The following LARGE1 variants were observed in gnomAD, a reference collection of about 807,000 sequenced individuals.
LARGE1 encodes the protein xylosyl- and glucuronyltransferase LARGE1.
A neutral mutation model predicts 87.6 loss-of-function variants in LARGE1; 43 were observed. The observed-to-expected ratio is 0.49, with a 90% CI of 0.38 to 0.63. The LOEUF is 0.63. Among genes scored for constraint, LARGE1 ranks in the 30% least tolerant of loss-of-function variants. The pLI, the probability that LARGE1 is intolerant of heterozygous loss-of-function variation, is 0.00. For synonymous variants in LARGE1, 434 were observed against 394.6 expected, an observed-to-expected ratio of 1.10 and a Z score of -1.18; for missense variants, 802 against 1,000.2, an observed-to-expected ratio of 0.80 and a Z score of 2.67.
chr22:33,815,269 C>T (rs1375363575), intron 1 of LARGE1, among the ~76,000 whole-genome samples: 4 of 152,142 alleles, frequency 2.6e-5, no homozygotes, highest in African/African-American at 4.8e-5. Context: ...GAACTTCCTC[C>T]GGTCCTCATC....
At chr22:33,683,489 TC>T (rs1272681908) in intron 2 of LARGE1, among the ~76,000 whole-genome samples, 1 of 152,140 alleles carries the variant, frequency 6.6e-6, no homozygotes, top group African/African-American at 2.4e-5. Flanking sequence ...ATGAGCCAAT[TC>T]CTTACAATAA....
intron 4 of LARGE1, 152 bp downstream of exon 4, chr22:33,626,092 A>C (rs749942205): frequency 1.4e-6 from 1 of 706,580 alleles, no homozygotes; most frequent in Non-Finnish European, 2.6e-6. Flanking sequence ...TGTTAACACA[A>C]TCATCTCCTC....
chr22:33,760,576 G>T (rs1569431587), intron 2 of LARGE1, among the ~76,000 whole-genome samples: 1 of 152,126 alleles, frequency 6.6e-6, no homozygotes, highest in Non-Finnish European at 1.5e-5. Flanking sequence ...TGAATCTCCA[G>T]ATCTGTTATC....
At chr22:33,095,709 G>A in the LARGE1 span, among the ~76,000 whole-genome samples, 4 of 152,108 alleles carry the variant, frequency 2.6e-5, no homozygotes, top group African/African-American at 9.7e-5. Context: ...ACAGGTATTC[G>A]CTATGTGCCC....
chr22:33,103,432 CAAAAAAAAAAAA>C, the LARGE1 span, among the ~76,000 whole-genome samples: 1 of 33,802 alleles, frequency 3.0e-5, no homozygotes, highest in Admixed American at 6.0e-4. Flanking sequence ...GACTCTGTCT[CAAAAAAAAAAAA>C]AAAAAAAAAA....
chr22:33,138,295 A>G, the LARGE1 span, among the ~76,000 whole-genome samples: 143 of 152,124 alleles, frequency 9.4e-4, 1 homozygote, highest in Admixed American at 2.0e-3. Context: ...TGTTTTGGCC[A>G]ATTTTTTCCA....
chr22:33,899,605 G>A (rs189889693), intron 1 of LARGE1, among the ~76,000 whole-genome samples: 1 of 152,082 alleles, frequency 6.6e-6, no homozygotes, highest in South Asian at 2.1e-4. Flanking sequence ...GCAGGGACTG[G>A]GACTTTGTCT....
At chr22:33,127,004 T>C in the LARGE1 span, among the ~76,000 whole-genome samples, 1 of 152,262 alleles carries the variant, frequency 6.6e-6, no homozygotes, top group Admixed American at 6.5e-5. Context: ...TTCTTTGCAC[T>C]ATTCCTTCCT....
intron 6 of LARGE1, among the ~76,000 whole-genome samples, chr22:33,465,932 C>G (rs1222973519): frequency 6.6e-6 from 1 of 152,200 alleles, no homozygotes; most frequent in African/African-American, 2.4e-5. Context: ...AACTTTCTTA[C>G]CTGGTGCTAA....
chr22:33,736,680 T>C (rs1473187180), intron 2 of LARGE1, among the ~76,000 whole-genome samples: 1 of 152,224 alleles, frequency 6.6e-6, no homozygotes, highest in Non-Finnish European at 1.5e-5. Context: ...GTTGTGCTTC[T>C]AGTGTCATAT....
chr22:33,659,744 TAAA>T lies in LARGE1; in HGVS notation c.107-9079_107-9077del, dbSNP rs71187276. 2.9e-4 allele frequency among the ~76,000 whole-genome samples: 35 copies of T among 122,042 alleles called. 1 individual carries two copies. In the East Asian group the frequency reaches 6.7e-3, roughly 23 times the overall value. 80.1% of individuals were successfully genotyped at this position (122,042 alleles called of 152,430 possible). A position where few individuals can be genotyped will look rare whatever the true frequency, so the allele number is the denominator to read the frequency against. On this transcript the variant is annotated intron_variant, in intron 2 of 14. Transcript: ENST00000397394. ...CTTCTGACAAAGATGGAAGAACAGTTAAAAAAAAAAAAAAAAAAAGGAGAGTTC... is the reference window on the plus strand; with the variant it reads ...CTTCTGACAAAGATGGAAGAACAGTTAAAAAAAAAAAAAAAAGGAGAGTTC...
the LARGE1 span, chr22:33,137,107 T>C: frequency 2.0e-5 from 3 of 152,144 alleles, no homozygotes; most frequent in South Asian, 4.2e-4. Context: ...ACAGGAGAAA[T>C]AAGTGAAATG....
intron 5 of LARGE1, among the ~76,000 whole-genome samples, chr22:33,570,171 T>C (rs1234428952): frequency 2.0e-5 from 3 of 152,150 alleles, no homozygotes; most frequent in African/African-American, 7.2e-5. Context: ...AATGTTATAG[T>C]ATTCACAGGA....
chr22:33,341,763 C>G (rs527893331), intron 9 of LARGE1, among the ~76,000 whole-genome samples: 1 of 152,330 alleles, frequency 6.6e-6, no homozygotes, highest in African/African-American at 2.4e-5. Flanking sequence ...CAACTCGTTT[C>G]TCTTCTTGGA....
chr22:33,636,779 A>G (rs1401838094), intron 3 of LARGE1, among the ~76,000 whole-genome samples: 1 of 151,754 alleles, frequency 6.6e-6, no homozygotes, highest in Non-Finnish European at 1.5e-5. Flanking sequence ...TAATCCTTCC[A>G]CTTCGGCCTC....
At chr22:33,362,660 T>C (rs983117607) in intron 9 of LARGE1, among the ~76,000 whole-genome samples, 5 of 150,056 alleles carry the variant, frequency 3.3e-5, no homozygotes, top group Non-Finnish European at 5.9e-5. Context: ...ATCTTGTGTT[T>C]CTAATGCAAT....
intron 1 of LARGE1, among the ~76,000 whole-genome samples, chr22:33,805,162 T>C (rs941517838): frequency 1.3e-5 from 2 of 152,122 alleles, no homozygotes; most frequent in African/African-American, 4.8e-5. Context: ...TAGTCTCATA[T>C]CCAATATCTC....
intron 1 of LARGE1, among the ~76,000 whole-genome samples, chr22:33,917,970 A>T (rs2065835145): frequency 6.6e-6 from 1 of 151,912 alleles, no homozygotes; most frequent in Non-Finnish European, 1.5e-5. Context: ...TGGAAAAGAT[A>T]ACTAGTCCCC....
At chr22:33,679,521 T>C (rs1250339578) in intron 2 of LARGE1, among the ~76,000 whole-genome samples, 1 of 151,992 alleles carries the variant, frequency 6.6e-6, no homozygotes, top group Non-Finnish European at 1.5e-5. Flanking sequence ...CTTGGAGTCA[T>C]GCTGCCACAA....
Sources: gnomAD v4.1 joint callset for allele counts (sites outside exome capture counted in the v4.1 genomes callset) on GRCh38, gnomAD v4.1.1 for gene constraint, MANE v1.5 for transcripts, NCBI Gene and HGNC (gene_info 2026-07-23, HGNC 2026-07-21) for gene names.